DDX31: variants seen among roughly 807,000 people sequenced by gnomAD.
The protein encoded by DDX31 is ATP-dependent DNA helicase DDX31.
DDX31 carries 70 observed loss-of-function variants against 91.3 expected under a neutral mutation model. That is an observed-to-expected ratio of 0.77 (90% CI 0.63 to 0.94). DDX31 has a LOEUF of 0.94. DDX31 is among the 40% of genes least tolerant of loss of function. The probability of loss-of-function intolerance (pLI) is 0.00; values close to 1 mark genes in which losing one functional copy is unlikely to be tolerated. For synonymous variants in DDX31, 362 were observed against 350.6 expected (o/e 1.03, Z -0.36); for missense variants, 902 against 925.0 (o/e 0.98, Z 0.32).
chr9:132,648,570 CA>C lies in DDX31; in HGVS notation c.741-20del. On this transcript the variant is annotated intron_variant, in intron 9 of 19. Coordinates refer to ENST00000372159, the MANE Select transcript of DDX31 (RefSeq NM_022779.9). ...GCGGAGTCTGTTTAAAATTATATAT[CA>C]TAAAAGAAAGTAAATCAAACAGGGC... The C allele has an allele frequency of 1.9e-6, 3 of 1,591,992 alleles. No individual in the cohort carries two copies. The South Asian group carries it at 3.4e-5, about 18-fold the overall frequency.
intron 1 of DDX31, chr9:132,663,322 C>T (rs750490156): frequency 1.7e-5 from 22 of 1,288,750 alleles, no homozygotes; most frequent in Non-Finnish European, 2.1e-5. Flanking sequence ...GTTCCCATTC[C>T]AAATGAGAAT....
chr9:132,638,457 G>A (rs956612599), intron 14 of DDX31: 72 of 1,556,446 alleles, frequency 4.6e-5, no homozygotes, highest in Middle Eastern at 3.4e-4. Context: ...AGTGGGCTTT[G>A]AACTTCCAAT....
intron 1 of DDX31, among the ~76,000 whole-genome samples, chr9:132,668,618 A>T (rs1208777764): frequency 2.1e-5 from 3 of 145,652 alleles, no homozygotes; most frequent in Non-Finnish European, 4.5e-5. Flanking sequence ...CCCAGGCTGG[A>T]GTGCAATGGC....
chr9:132,646,596 T>C (rs1590067428), intron 12 of DDX31, among the ~76,000 whole-genome samples: 1 of 152,202 alleles, frequency 6.6e-6, no homozygotes, highest in African/African-American at 2.4e-5. Context: ...AGGAAAGGTA[T>C]CGAGAACATT....
In DDX31 at chr9:132,593,456, G is replaced by A. The variant is rs1364386428; in HGVS notation, c.*1410C>T. The A allele has an allele frequency of 6.6e-6, 1 of 152,194 alleles. No homozygotes were observed. Among genetic ancestry groups the A allele is most frequent in the African/African-American group, 2.4e-5 (1 of 41,442 alleles). The allele number at this position is 152,194 out of a possible 1,614,324, so 9.4% of individuals were successfully genotyped here. A position where few individuals can be genotyped will look rare whatever the true frequency, so the allele number is the denominator to read the frequency against. On this transcript the variant is annotated 3_prime_UTR_variant, in exon 20 of 20. Coordinates refer to ENST00000372159, the MANE Select transcript of DDX31 (RefSeq NM_022779.9). ...AAGGTGGCAGACTTGCCCAACGCCA[G>A]GCTGACATGTGCTGCAGGGTTGTTG...
chr9:132,649,988 T>A (rs975872117), intron 9 of DDX31, among the ~76,000 whole-genome samples: 2 of 151,914 alleles, frequency 1.3e-5, no homozygotes, highest in African/African-American at 4.8e-5. Flanking sequence ...TAGGTGGGAG[T>A]TAAGAAGTTG....
At chr9:132,631,011 G>C (rs939344633) in intron 15 of DDX31, among the ~76,000 whole-genome samples, 1 of 152,270 alleles carries the variant, frequency 6.6e-6, no homozygotes, top group Non-Finnish European at 1.5e-5. Context: ...CAGGTTCCCT[G>C]CAGGTAGGGA....
Position 132,597,077 on chromosome 9 carries a change from A to C in DDX31, c.1995-1965T>G, listed in dbSNP as rs139065951. On this transcript the variant is annotated intron_variant, in intron 19 of 19. Transcript: ENST00000372159. ...TCGCAGTCACAGTTAAACATTAGGA[A>C]ACTGAGGTCTGGAGATGCCACGCAC... Among the ~76,000 whole-genome samples, 132 of 152,206 alleles carry C rather than the reference A, an allele frequency of 8.7e-4. 1 individual carries two copies. In the East Asian group the frequency reaches 0.023, roughly 26 times the overall value.
chr9:132,617,317 C>G (rs376219815), intron 18 of DDX31, among the ~76,000 whole-genome samples: 11 of 152,230 alleles, frequency 7.2e-5, no homozygotes, highest in African/African-American at 2.6e-4. Context: ...TCACCTCCCC[C>G]ATCTCCTTCT....
chr9:132,652,544 T>TC, intron 6 of DDX31, 52 bp from the exon 7 acceptor site: 1 of 1,609,786 alleles, frequency 6.2e-7, no homozygotes, highest in Non-Finnish European at 8.5e-7. Flanking sequence ...AAAGGCAGAC[T>TC]CCAAACGGAC....
chr9:132,669,900 G>C lies in DDX31; in HGVS notation c.35C>G (p.Pro12Arg). The C allele has an allele frequency of 6.3e-7, 1 of 1,597,294 alleles. No individual in the cohort carries two copies. Among genetic ancestry groups the C allele is most frequent in the Non-Finnish European group, 8.5e-7 (1 of 1,172,900 alleles). ...TGGGGGACGTCTGGAGAACGTCCTGGGGTTGTCGAAGAGCGAACCGTCGGC... is the reference window on the plus strand; with the variant it reads ...TGGGGGACGTCTGGAGAACGTCCTGCGGTTGTCGAAGAGCGAACCGTCGGC... ...AAADGSLFDN[P>R]RTFSRRPPAQ... is the part of the protein sequence containing the mutation. The change falls in exon 1 of 20, where the codon CCC (proline) becomes CGC (arginine). Residue 12 changes from proline to arginine, a missense_variant. Physicochemically the swap from Pro to Arg is moderately radical, Grantham distance 103. Transcript: ENST00000372159.
At chr9:132,616,856 AACG>A (rs944692543) in intron 18 of DDX31, among the ~76,000 whole-genome samples, 11 of 152,330 alleles carry the variant, frequency 7.2e-5, no homozygotes, top group Admixed American at 5.2e-4. Flanking sequence ...TCTGATTTTT[AACG>A]ACAACCAAGA....
chr9:132,662,749 CAG>C (rs1835059413), intron 1 of DDX31, 54 bp from the exon 2 acceptor site: 1 of 1,607,808 alleles, frequency 6.2e-7, no homozygotes, highest in Middle Eastern at 1.8e-4. Flanking sequence ...TCCATGAAAA[CAG>C]AGCTCGGAGT....
intron 14 of DDX31, among the ~76,000 whole-genome samples, chr9:132,637,140 T>C (rs977763992): frequency 2.6e-5 from 4 of 152,156 alleles, no homozygotes; most frequent in Non-Finnish European, 1.5e-5. Flanking sequence ...TATCTCATTC[T>C]CTGCCCCCGC....
chr9:132,607,048 A>AG (rs1473852268), intron 19 of DDX31, among the ~76,000 whole-genome samples: 1 of 152,240 alleles, frequency 6.6e-6, no homozygotes, highest in East Asian at 1.9e-4. Context: ...TCTATGAAGA[A>AG]GGGGCGACTG....
At chr9:132,651,877 T>C (rs1199900256) in intron 7 of DDX31, among the ~76,000 whole-genome samples, 1 of 152,228 alleles carries the variant, frequency 6.6e-6, no homozygotes, top group Non-Finnish European at 1.5e-5. Context: ...GACTGCAGGC[T>C]ATATGAAAAG....
chr9:132,616,102 C>T (rs1216841660), intron 18 of DDX31, among the ~76,000 whole-genome samples: 5 of 152,124 alleles, frequency 3.3e-5, no homozygotes, highest in African/African-American at 7.2e-5. Context: ...GTGGCAAATA[C>T]GTGTATACTC....
intron 19 of DDX31, among the ~76,000 whole-genome samples, chr9:132,598,682 A>C (rs1380950935): frequency 6.6e-6 from 1 of 152,184 alleles, no homozygotes; most frequent in African/African-American, 2.4e-5. Context: ...ACCCATTCTA[A>C]TTCAGGCTTT....
chr9:132,654,554 A>T (rs1834427801), intron 6 of DDX31, among the ~76,000 whole-genome samples: 1 of 152,218 alleles, frequency 6.6e-6, no homozygotes, highest in Non-Finnish European at 1.5e-5. Flanking sequence ...TGGAGGTTGC[A>T]GTGAGCCGAG....
Sources: allele counts gnomAD v4.1 joint callset (sites outside exome capture counted in the v4.1 genomes callset), GRCh38; gene constraint gnomAD v4.1.1; transcripts MANE v1.5; gene names NCBI Gene and HGNC (gene_info 2026-07-23, HGNC 2026-07-21).